The following CAPN2 variants were observed in gnomAD, a reference collection of about 807,000 sequenced individuals.
The protein encoded by CAPN2 is calpain 2, also known as calpain-2 catalytic subunit.
In CAPN2, 92 loss-of-function variants were observed where a neutral mutation model predicts 102.3. That is an observed-to-expected ratio of 0.90 (90% CI 0.76 to 1.07). The LOEUF (loss-of-function observed/expected upper bound fraction) is 1.07. Ranked by LOEUF, CAPN2 falls within the 50% of genes least tolerant of loss-of-function variation. The pLI is 0.00. For synonymous variants in CAPN2, 340 were observed against 355.4 expected (o/e 0.96, Z 0.49); for missense variants, 800 against 909.4 (o/e 0.88, Z 1.55).
intron 6 of CAPN2, 21 bp downstream of exon 6, chr1:223,749,143 G>T: frequency 6.2e-7 from 1 of 1,605,328 alleles, no homozygotes; most frequent in Non-Finnish European, 8.5e-7. Flanking sequence ...GCGCGGATGT[G>T]CAGGGGTCCT....
chr1:223,762,326 CTTTAG>C (rs1661209412), intron 14 of CAPN2, 75 bp downstream of exon 14: 2 of 1,221,394 alleles, frequency 1.6e-6, no homozygotes, highest in South Asian at 1.2e-5. Context: ...CCCAAGGGGA[CTTTAG>C]TTTAAAGGGG....
intron 3 of CAPN2, 58 bp from the exon 4 acceptor site, chr1:223,745,248 C>T (rs760642083): frequency 5.0e-6 from 8 of 1,609,710 alleles, no homozygotes; most frequent in Non-Finnish European, 6.8e-6. Flanking sequence ...GCAGCTGAGG[C>T]TCAGAGTCCC....
intron 15 of CAPN2, among the ~76,000 whole-genome samples, chr1:223,765,256 A>G (rs994759227): frequency 6.6e-6 from 1 of 152,220 alleles, no homozygotes; most frequent in Non-Finnish European, 1.5e-5. Context: ...TCAGAGCCAA[A>G]GAAGAGTCCA....
chr1:223,713,886 C>G lies in CAPN2; in HGVS notation c.237+1009C>G, dbSNP rs565180978. Reference sequence around the variant, plus strand: ...GGTGACCTTGAACGAGCCATTTAACCTCTCTGTGCCTCCATGTCTTCATCT... The same window carrying G: ...GGTGACCTTGAACGAGCCATTTAACGTCTCTGTGCCTCCATGTCTTCATCT... On this transcript the variant is annotated intron_variant, in intron 1 of 20. Transcript: ENST00000295006. 4.6e-5 allele frequency among the ~76,000 whole-genome samples: 7 copies of G among 152,342 alleles called. No individual in the cohort carries two copies. The East Asian group carries it at 1.3e-3, about 29-fold the overall frequency.
rs191553671 is a variant in CAPN2 at position 223,754,848 on chromosome 1, G to A, written c.1136-632G>A. ...CCGGCAAGTGCAGGGAGCAGATCCCGGAGTCCCCCAGGCCAGCCGAGCCCC... is the reference window on the plus strand; with the variant it reads ...CCGGCAAGTGCAGGGAGCAGATCCCAGAGTCCCCCAGGCCAGCCGAGCCCC... On this transcript the variant is annotated intron_variant, in intron 9 of 20. Transcript: ENST00000295006. This position sits in a 1 kb window ranked among gnomAD's most constrained non-coding sequence, Gnocchi z 4.7. 1.3e-4 allele frequency among the ~76,000 whole-genome samples: 20 copies of A among 152,114 alleles called. No homozygotes were observed. Among genetic ancestry groups the A allele is most frequent in the Admixed American group, 8.5e-4 (13 of 15,294 alleles).
Position 223,774,883 on chromosome 1 carries a change from T to G in CAPN2, c.*26T>G, listed in dbSNP as rs751223897. On this transcript the variant is annotated 3_prime_UTR_variant, in exon 21 of 21. Coordinates refer to ENST00000295006, the MANE Select transcript of CAPN2 (RefSeq NM_001748.5). Reference sequence around the variant, plus strand: ...AGTTATAACTAATCTGCCTGAAGACTTCTCATGATGGAAAATCAGCCAAGG... The same window carrying G: ...AGTTATAACTAATCTGCCTGAAGACGTCTCATGATGGAAAATCAGCCAAGG... 3.1e-6 allele frequency: 5 copies of G among 1,605,058 alleles called. 1 individual carries two copies. The South Asian group carries it at 5.5e-5, about 18-fold the overall frequency.
At chr1:223,738,556 T>G (rs1660524026) in intron 2 of CAPN2, among the ~76,000 whole-genome samples, 1 of 152,226 alleles carries the variant, frequency 6.6e-6, no homozygotes, top group Non-Finnish European at 1.5e-5. Context: ...GTTTTTGCAG[T>G]CAAGAACGCA....
chr1:223,760,442 A>G (rs2102810052), intron 12 of CAPN2, among the ~76,000 whole-genome samples: 1 of 152,308 alleles, frequency 6.6e-6, no homozygotes, highest in East Asian at 1.9e-4. Context: ...GCGAAGGGAG[A>G]CAAAGCAATG....
intron 20 of CAPN2, among the ~76,000 whole-genome samples, chr1:223,773,419 C>T (rs1001041822): frequency 1.3e-5 from 2 of 152,042 alleles, no homozygotes; most frequent in South Asian, 2.1e-4. Flanking sequence ...TAGGGCTGGG[C>T]GCGGTGGCTC....
upstream of CAPN2, among the ~76,000 whole-genome samples, chr1:223,708,958 A>G (rs1026577754): frequency 2.6e-5 from 4 of 152,240 alleles, no homozygotes; most frequent in Non-Finnish European, 4.4e-5. Flanking sequence ...AAGCAGCTCA[A>G]AATCAAACAG....
chr1:223,714,165 C>A (rs977982339), intron 1 of CAPN2, among the ~76,000 whole-genome samples: 1 of 152,226 alleles, frequency 6.6e-6, no homozygotes, highest in African/African-American at 2.4e-5. Context: ...TGTCACCCCA[C>A]TCATTTCCTT....
intron 7 of CAPN2, among the ~76,000 whole-genome samples, chr1:223,751,415 T>C (rs1488277684): frequency 1.3e-5 from 2 of 152,244 alleles, no homozygotes; most frequent in Non-Finnish European, 2.9e-5. Flanking sequence ...CTATTTGGGG[T>C]AAACACTTGT....
intron 1 of CAPN2, among the ~76,000 whole-genome samples, chr1:223,713,093 C>T (rs12132879): frequency 0.056 from 8,593 of 152,282 alleles, 299 homozygotes; most frequent in Admixed American, 0.074. Context: ...CTCTTCCACC[C>T]ACCACGCTTT....
At chr1:223,703,712 C>G (rs1659536375) in intron 1 of CAPN2, among the ~76,000 whole-genome samples, 1 of 152,210 alleles carries the variant, frequency 6.6e-6, no homozygotes, top group African/African-American at 2.4e-5. Context: ...CCTCCAGTTA[C>G]ACAGGACTTA....
rs149727085 is a variant in CAPN2, at chr1:223,721,582, C to T, written c.307+3751C>T. On this transcript the variant is annotated intron_variant, in intron 2 of 20. Transcript: ENST00000295006. The stretch of plus-strand genomic sequence containing the variant: ...AACCCAGCAAATGTTCCCTGGGCCC[C>T]TCAGAGGTGGGTCAACCTGCCTCCT... 9.6e-4 allele frequency among the ~76,000 whole-genome samples: 147 copies of T among 152,342 alleles called. 1 individual carries two copies. Among genetic ancestry groups the T allele is most frequent in the African/African-American group, 3.3e-3 (138 of 41,586 alleles).
At chr1:223,749,684 A>G (rs1660838016) in intron 6 of CAPN2, among the ~76,000 whole-genome samples, 1 of 152,226 alleles carries the variant, frequency 6.6e-6, no homozygotes, top group African/African-American at 2.4e-5. Flanking sequence ...ATATATAAGG[A>G]GGTAGCTGTC....
chr1:223,753,277 G>A (rs1237622165), intron 9 of CAPN2, among the ~76,000 whole-genome samples: 4 of 152,120 alleles, frequency 2.6e-5, no homozygotes, highest in South Asian at 2.1e-4. Context: ...CCATGCTCAC[G>A]GAAGCAGTGC....
rs904565490 is a variant in CAPN2, at chr1:223,752,919, G to T, written c.1098G>T (p.Arg366Ser). 1 of 1,613,990 alleles carries T rather than the reference G, an allele frequency of 6.2e-7. No individual in the cohort carries two copies. Among genetic ancestry groups the T allele is most frequent in the Admixed American group, 1.7e-5 (1 of 60,000 alleles). The change falls in exon 9 of 21, where the codon AGG (arginine) becomes AGT (serine). Residue 366 changes from arginine to serine, a missense_variant. Arg to Ser is a moderately radical substitution (Grantham distance 110). Transcript: ENST00000295006. ...WKLTKMDGNW[R>S]RGSTAGGCRN... The stretch of plus-strand genomic sequence containing the variant: ...TCACCAAAATGGATGGGAACTGGAG[G>T]CGGGGCTCCACCGCGGGAGGTTGCA...
chr1:223,712,623 G>A lies in CAPN2; in HGVS notation c.-18G>A, dbSNP rs1307074112. The A allele has an allele frequency of 1.3e-6, 2 of 1,509,438 alleles. No individual in the cohort carries two copies. The highest frequency in any genetic ancestry group is 1.8e-6 in the Non-Finnish European group (2 of 1,128,092). 93.5% of individuals were successfully genotyped at this position (1,509,438 alleles called of 1,614,324 possible). On this transcript the variant is annotated 5_prime_UTR_variant, in exon 1 of 21. Coordinates refer to ENST00000295006, the MANE Select transcript of CAPN2 (RefSeq NM_001748.5). Reference sequence around the variant, plus strand: ...GCCCCGACCTTTCTCTGCGCAGTACGGCCGCCGGGACCGCAGCATGGCGGG... The same window carrying A: ...GCCCCGACCTTTCTCTGCGCAGTACAGCCGCCGGGACCGCAGCATGGCGGG...
Sources: gnomAD v4.1 joint callset for allele counts (sites outside exome capture counted in the v4.1 genomes callset) on GRCh38, gnomAD v4.1.1 for gene constraint, Gnocchi (gnomAD v3.1) non-coding constraint, MANE v1.5 for transcripts, NCBI Gene and HGNC (gene_info 2026-07-23, HGNC 2026-07-21) for gene names.